Variants in DST observed in about 807,000 individuals in gnomAD.
DST encodes the protein bullous pemphigoid antigen.
A neutral mutation model predicts 875.2 loss-of-function variants in DST; 253 were observed. The ratio of observed to expected loss-of-function variants is 0.29; its 90% confidence interval spans 0.26 to 0.32. The LOEUF (loss-of-function observed/expected upper bound fraction) is 0.32, where lower values mean the gene tolerates loss of function less well. DST is among the 10% of genes least tolerant of loss of function. The pLI, the probability that DST is intolerant of heterozygous loss-of-function variation, is 1.00. For missense variants in DST, 8,287 were observed against 9,111.6 expected (o/e 0.91, Z 3.68); for synonymous variants, 3,124 against 3,197.1 (o/e 0.98, Z 0.77).
chr6:56,636,719 C>A (rs891159869), intron 22 of DST, 67 bp from the exon 23 acceptor site: 2 of 1,245,644 alleles, frequency 1.6e-6, no homozygotes, highest in South Asian at 1.2e-5. Flanking sequence ...CTTTTGATAT[C>A]GATGCTTCTA....
At chr6:56,854,592 G>A (rs562067296) in intron 3 of DST, among the ~76,000 whole-genome samples, 1 of 152,102 alleles carries the variant, frequency 6.6e-6, no homozygotes, top group Non-Finnish European at 1.5e-5. Context: ...ACATGTAATA[G>A]TTACCCATAT....
chr6:56,497,100 C>T (rs1276626833), intron 82 of DST, among the ~76,000 whole-genome samples: 1 of 151,890 alleles, frequency 6.6e-6, no homozygotes, highest in Non-Finnish European at 1.5e-5. Flanking sequence ...ACCAGCATGG[C>T]ACATGTATAC....
intron 4 of DST, among the ~76,000 whole-genome samples, chr6:56,770,253 T>A (rs907209069): frequency 6.6e-6 from 1 of 152,202 alleles, no homozygotes; most frequent in Non-Finnish European, 1.5e-5. Flanking sequence ...TCATGAAAAG[T>A]CCCACTTAAA....
intron 4 of DST, among the ~76,000 whole-genome samples, chr6:56,737,865 T>C (rs1450510845): frequency 6.6e-6 from 1 of 152,206 alleles, no homozygotes; most frequent in Non-Finnish European, 1.5e-5. Flanking sequence ...AATGTAACTA[T>C]GAGAATATAA....
At chr6:56,468,945 C>A in intron 98 of DST, 37 bp downstream of exon 98, 2 of 1,540,386 alleles carry the variant, frequency 1.3e-6, no homozygotes, top group African/African-American at 1.4e-5. Context: ...AAAAAAAAAT[C>A]ATCAGGAACT....
chr6:56,464,743 C>T lies in DST; in HGVS notation c.22701G>A (p.Gly7567=). ...KNDPCRVHHH[G]SKMLRSESNS... Reference sequence around the variant, plus strand: ...TTGATTCCGAACGTAACATTTTACTCCCATGATGATGAACTAGAAAAAATG... The same window carrying T: ...TTGATTCCGAACGTAACATTTTACTTCCATGATGATGAACTAGAAAAAATG... Residue 7567 remains glycine, a synonymous_variant, in exon 100 of 104, where the codon GGG becomes GGA. Transcript: ENST00000680361. 6.3e-7 allele frequency: 1 copy of T among 1,596,130 alleles called. No individual in the cohort carries two copies. Among genetic ancestry groups the T allele is most frequent in the Non-Finnish European group, 8.5e-7 (1 of 1,171,048 alleles).
At chr6:56,633,874 C>T (rs1055154651) in intron 27 of DST, among the ~76,000 whole-genome samples, 3 of 152,174 alleles carry the variant, frequency 2.0e-5, no homozygotes, top group East Asian at 3.8e-4. Flanking sequence ...TACCCATCAT[C>T]GTATATCCAA....
intron 9 of DST, among the ~76,000 whole-genome samples, chr6:56,679,467 G>A (rs2099146363): frequency 2.0e-5 from 3 of 151,784 alleles, no homozygotes; most frequent in South Asian, 2.1e-4. Context: ...ATTGCTTTTA[G>A]TTATTTACTA....
chr6:56,459,763 C>A (rs577905194), intron 103 of DST, among the ~76,000 whole-genome samples: 1 of 152,106 alleles, frequency 6.6e-6, no homozygotes, highest in Admixed American at 6.5e-5. Flanking sequence ...CATTATTTTG[C>A]GAAGCAATGT....
chr6:56,938,720 A>G (rs1362467704), intron 2 of DST, among the ~76,000 whole-genome samples: 2 of 152,206 alleles, frequency 1.3e-5, no homozygotes, highest in Non-Finnish European at 2.9e-5. Flanking sequence ...ACAAGCCCAG[A>G]TTCCAGACTT....
chr6:56,720,985 G>A (rs1027046573), intron 5 of DST, among the ~76,000 whole-genome samples: 12 of 150,228 alleles, frequency 8.0e-5, no homozygotes, highest in Admixed American at 5.3e-4. Context: ...GGCGCCCCCC[G>A]CCACCTTCCA....
intron 4 of DST, among the ~76,000 whole-genome samples, chr6:56,824,980 C>G (rs1487759675): frequency 1.3e-5 from 2 of 152,234 alleles, no homozygotes; most frequent in Non-Finnish European, 2.9e-5. Context: ...GCCCGGCCAC[C>G]ACCTGGTCTG....
At chr6:56,897,888 T>TC (rs1303589414) in intron 3 of DST, among the ~76,000 whole-genome samples, 1 of 152,066 alleles carries the variant, frequency 6.6e-6, no homozygotes, top group East Asian at 1.9e-4. Context: ...TCAGGCACCA[T>TC]CCTTGTGGAA....
At chr6:56,769,482 T>C (rs1281279781) in intron 4 of DST, among the ~76,000 whole-genome samples, 2 of 152,194 alleles carry the variant, frequency 1.3e-5, no homozygotes, top group Admixed American at 1.3e-4. Flanking sequence ...CTCTGTACTT[T>C]CTGCCTAATT....
At chr6:56,645,742 G>A in intron 15 of DST, 124 bp downstream of exon 15, 2 of 1,133,192 alleles carry the variant, frequency 1.8e-6, no homozygotes, top group African/African-American at 1.6e-5. Context: ...GAAAATGGAG[G>A]ATCAAAAGGA....
intron 64 of DST, 57 bp downstream of exon 64, chr6:56,532,287 T>C (rs928087913): frequency 1.3e-6 from 2 of 1,507,024 alleles, no homozygotes; most frequent in Admixed American, 3.5e-5. Context: ...AAAATGTCAG[T>C]TTTGTAGACA....
At chr6:56,459,627 A>T (rs2094219937) in intron 103 of DST, among the ~76,000 whole-genome samples, 1 of 152,222 alleles carries the variant, frequency 6.6e-6, no homozygotes, top group Non-Finnish European at 1.5e-5. Flanking sequence ...CATAGAACAA[A>T]CAAGACAGGT....
At position 56,663,147 on chromosome 6, in the gene DST, T is replaced by C. The variant is rs567080378; in HGVS notation, c.1214+7494A>G. On this transcript the variant is annotated intron_variant, in intron 10 of 103. Transcript: ENST00000680361. Reference sequence around the variant, plus strand: ...ATCTCCCAAACTGTAGGTAAAACCATATAGATACAATAAAAATGGTCACCA... The same window carrying C: ...ATCTCCCAAACTGTAGGTAAAACCACATAGATACAATAAAAATGGTCACCA... Among the ~76,000 whole-genome samples the C allele has an allele frequency of 3.9e-5, 6 of 152,336 alleles. No homozygotes were observed. In the South Asian group the frequency reaches 1.0e-3, roughly 26 times the overall value.
At chr6:56,880,118 T>C (rs923147530) in intron 3 of DST, among the ~76,000 whole-genome samples, 3 of 152,262 alleles carry the variant, frequency 2.0e-5, no homozygotes, top group Admixed American at 6.5e-5. Flanking sequence ...ACTGAATGTA[T>C]GATTTTCCTT....
Sources: allele counts gnomAD v4.1 joint callset (sites outside exome capture counted in the v4.1 genomes callset), GRCh38; gene constraint gnomAD v4.1.1; transcripts MANE v1.5; gene names NCBI Gene and HGNC (gene_info 2026-07-23, HGNC 2026-07-21).